Variants in RBFOX1 observed in about 807,000 individuals in gnomAD.
RBFOX1 encodes the protein RNA binding fox-1 homolog 1.
RBFOX1 carries 8 observed loss-of-function variants against 57.7 expected under a neutral mutation model. That is an observed-to-expected ratio of 0.14 (90% CI 0.08 to 0.25). RBFOX1 has a LOEUF of 0.25. Among genes scored for constraint, RBFOX1 ranks in the 10% least tolerant of loss-of-function variants. The probability of loss-of-function intolerance (pLI) is 1.00; values close to 1 mark genes in which losing one functional copy is unlikely to be tolerated. For missense variants in RBFOX1, 611 were observed against 548.5 expected, an observed-to-expected ratio of 1.11 and a Z score of -1.14; for synonymous variants, 326 against 222.4, an observed-to-expected ratio of 1.47 and a Z score of -4.15.
At chr16:5,250,404 A>C (rs1053359019) in intron 1 of RBFOX1, among the ~76,000 whole-genome samples, 2 of 152,086 alleles carry the variant, frequency 1.3e-5, no homozygotes, top group Admixed American at 1.3e-4. Flanking sequence ...GGTATTTGTC[A>C]TAACACTCTC....
At chr16:6,846,761 C>G (rs1603631763) in intron 3 of RBFOX1, among the ~76,000 whole-genome samples, 1 of 152,132 alleles carries the variant, frequency 6.6e-6, no homozygotes, top group East Asian at 1.9e-4. Context: ...GGTCATTTGT[C>G]TTTGATAGGA....
intron 1 of RBFOX1, among the ~76,000 whole-genome samples, chr16:6,071,468 C>A (rs564474276): frequency 7.9e-5 from 12 of 152,236 alleles, no homozygotes; most frequent in African/African-American, 2.6e-4. Flanking sequence ...GTACAACAAA[C>A]CCCAATAACA....
chr16:6,133,281 C>T lies in RBFOX1; in HGVS notation c.-127+113289C>T, dbSNP rs115329101. Among the ~76,000 whole-genome samples the T allele has an allele frequency of 8.9e-3, 1,351 of 152,292 alleles. 24 individuals are homozygous for T. The highest frequency in any genetic ancestry group is 0.03 in the African/African-American group (1,257 of 41,564). ...CCTGCAGAGTTGATTGTGCTATCTT[C>T]CTCGCTTGCCTGATACTGGCTTCCA... On this transcript the variant is annotated intron_variant, in intron 1 of 15. Coordinates refer to ENST00000550418, the MANE Select transcript of RBFOX1 (RefSeq NM_018723.4).
At chr16:5,343,179 G>T (rs1042100559) in intron 1 of RBFOX1, among the ~76,000 whole-genome samples, 14 of 152,024 alleles carry the variant, frequency 9.2e-5, no homozygotes, top group Admixed American at 5.2e-4. Context: ...ACTCAAGATG[G>T]GAGACAAAGA....
At chr16:6,605,487 C>A (rs1255395571) in intron 2 of RBFOX1, among the ~76,000 whole-genome samples, 1 of 152,006 alleles carries the variant, frequency 6.6e-6, no homozygotes, top group Non-Finnish European at 1.5e-5. Flanking sequence ...CAGTCTTAAC[C>A]CCCAAAGAGA....
intron 2 of RBFOX1, among the ~76,000 whole-genome samples, chr16:6,644,461 G>T (rs1336898817): frequency 1.3e-5 from 2 of 152,314 alleles, no homozygotes; most frequent in South Asian, 4.1e-4. Flanking sequence ...CAATTTCTCA[G>T]TTGATCATAA....
At chr16:5,933,817 G>C (rs1000224293) in intron 4 of RBFOX1, among the ~76,000 whole-genome samples, 1 of 150,994 alleles carries the variant, frequency 6.6e-6, no homozygotes, top group Non-Finnish European at 1.5e-5. Context: ...TTTTAGGCTT[G>C]TGGGTACGTG....
chr16:5,981,338 G>T (rs1028975668), intron 4 of RBFOX1, among the ~76,000 whole-genome samples: 2 of 152,210 alleles, frequency 1.3e-5, no homozygotes, highest in Non-Finnish European at 2.9e-5. Flanking sequence ...CACAGGTTCT[G>T]TGGGTCTGGG....
rs1186169104 is a variant in RBFOX1 at position 7,587,123 on chromosome 16, C to T, written c.415-124C>T. On this transcript the variant is annotated intron_variant, in intron 6 of 15. Coordinates refer to ENST00000550418, the MANE Select transcript of RBFOX1 (RefSeq NM_018723.4). ...TGTTTCAAGCACATTAACCATAAAACATAAAATGTGTATCCTTGGTATTAA... is the reference window on the plus strand; with the variant it reads ...TGTTTCAAGCACATTAACCATAAAATATAAAATGTGTATCCTTGGTATTAA... The T allele has an allele frequency of 3.4e-6, 4 of 1,188,266 alleles. No individual in the cohort carries two copies. The East Asian group carries it at 1.2e-4, about 36-fold the overall frequency. The allele number at this position is 1,188,266 out of a possible 1,614,324, so 73.6% of individuals were successfully genotyped here. A position where few individuals can be genotyped will look rare whatever the true frequency, so the allele number is the denominator to read the frequency against.
intron 4 of RBFOX1, among the ~76,000 whole-genome samples, chr16:6,009,106 T>C (rs573064350): frequency 2.0e-5 from 3 of 152,136 alleles, no homozygotes; most frequent in Middle Eastern, 3.4e-3. Flanking sequence ...TTACTTTTTT[T>C]TTTTTTTTCT....
chr16:6,491,784 A>T (rs977661350), intron 2 of RBFOX1, among the ~76,000 whole-genome samples: 4 of 152,190 alleles, frequency 2.6e-5, no homozygotes, highest in Non-Finnish European at 5.9e-5. Flanking sequence ...TGCTAATCAA[A>T]TTTGAAGCTT....
At chr16:5,454,950 CCTTCCTTCCTTTCTTT>C (rs1377856618) in intron 1 of RBFOX1, among the ~76,000 whole-genome samples, 66 of 42,654 alleles carry the variant, frequency 1.5e-3, no homozygotes, top group African/African-American at 4.8e-3. Flanking sequence ...TTCCTTCCTT[CCTTCCTTCCTTTCTTT>C]CTTTCTTTCT....
chr16:6,553,620 G>A (rs971536079), intron 2 of RBFOX1, among the ~76,000 whole-genome samples: 4 of 151,952 alleles, frequency 2.6e-5, no homozygotes, highest in South Asian at 2.1e-4. Context: ...GAGAGTAGAC[G>A]CGGTGGGGAT....
At chr16:5,723,475 G>T (rs2052013966) in intron 3 of RBFOX1, among the ~76,000 whole-genome samples, 1 of 87,436 alleles carries the variant, frequency 1.1e-5, no homozygotes, top group Non-Finnish European at 2.5e-5. Flanking sequence ...CAGCCCACAG[G>T]CAACTGTGGA....
intron 4 of RBFOX1, among the ~76,000 whole-genome samples, chr16:7,312,794 C>G (rs533051648): frequency 6.6e-6 from 1 of 152,174 alleles, no homozygotes. Context: ...CGTCATTATT[C>G]TGTGATGCCA....
chr16:6,709,283 C>T (rs1051807655), intron 3 of RBFOX1, among the ~76,000 whole-genome samples: 1 of 152,068 alleles, frequency 6.6e-6, no homozygotes, highest in African/African-American at 2.4e-5. Flanking sequence ...TCTAACTGTG[C>T]AGAAGACAGA....
intron 4 of RBFOX1, among the ~76,000 whole-genome samples, chr16:5,949,197 T>C (rs2059466803): frequency 6.6e-6 from 1 of 152,084 alleles, no homozygotes; most frequent in African/African-American, 2.4e-5. Flanking sequence ...TACAAGGATA[T>C]TATCTACTAT....
chr16:5,844,533 A>T (rs1284132927), intron 3 of RBFOX1, among the ~76,000 whole-genome samples: 1 of 152,196 alleles, frequency 6.6e-6, no homozygotes, highest in Non-Finnish European at 1.5e-5. Flanking sequence ...CATGTGTGTA[A>T]GTCTAGTGGC....
chr16:5,796,851 G>A (rs999298412), intron 3 of RBFOX1, among the ~76,000 whole-genome samples: 12 of 151,994 alleles, frequency 7.9e-5, no homozygotes, highest in Non-Finnish European at 1.5e-5. Flanking sequence ...CCTCTATATG[G>A]CCCTCACATC....
Sources: gnomAD v4.1 joint callset for allele counts (sites outside exome capture counted in the v4.1 genomes callset) on GRCh38, gnomAD v4.1.1 for gene constraint, MANE v1.5 for transcripts, NCBI Gene and HGNC (gene_info 2026-07-23, HGNC 2026-07-21) for gene names.